Variants in DLG2 observed in about 807,000 individuals in gnomAD.
DLG2 encodes the protein discs large MAGUK scaffold protein 2, also known as disks large homolog 2.
A neutral mutation model predicts 132.5 loss-of-function variants in DLG2; 45 were observed. The observed-to-expected ratio is 0.34, with a 90% CI of 0.27 to 0.44. The LOEUF (loss-of-function observed/expected upper bound fraction) is 0.44. DLG2 is among the 20% of genes least tolerant of loss of function. DLG2 has a pLI of 1.00. For synonymous variants in DLG2, 424 were observed against 419.6 expected (o/e 1.01, Z -0.13); for missense variants, 1,045 against 1,196.9 (o/e 0.87, Z 1.87).
At chr11:85,096,148 G>A (rs1022481662) in intron 6 of DLG2, among the ~76,000 whole-genome samples, 1 of 152,194 alleles carries the variant, frequency 6.6e-6, no homozygotes, top group African/African-American at 2.4e-5. Context: ...TCAGTGCTCT[G>A]TAAAGTGGAC....
At chr11:84,830,937 G>GTC (rs927625461) in intron 6 of DLG2, among the ~76,000 whole-genome samples, 1 of 145,570 alleles carries the variant, frequency 6.9e-6, no homozygotes, top group African/African-American at 2.5e-5. Context: ...AAAGGAAGCA[G>GTC]TCTCTCTCTC....
In DLG2 at chr11:85,399,580, G is replaced by C. The variant is rs558937178; in HGVS notation, c.41-114215C>G. ...ACAGCATGGTACTGGTACTAAAACA[G>C]ACATATAGATCAATGGAATAGAACA... On this transcript the variant is annotated intron_variant, in intron 3 of 27. Coordinates refer to ENST00000376104, the MANE Select transcript of DLG2 (RefSeq NM_001142699.3). Among the ~76,000 whole-genome samples the C allele has an allele frequency of 2.0e-5, 3 of 152,068 alleles. No individual in the cohort carries two copies. In the East Asian group the frequency reaches 5.8e-4, roughly 30 times the overall value.
intron 8 of DLG2, among the ~76,000 whole-genome samples, chr11:84,215,612 G>A (rs934798249): frequency 3.9e-5 from 6 of 152,140 alleles, no homozygotes; most frequent in Non-Finnish European, 8.8e-5. Flanking sequence ...CCATCTACAT[G>A]CTCATGAAAG....
chr11:84,350,906 C>T (rs1006545948), intron 7 of DLG2, among the ~76,000 whole-genome samples: 1 of 152,162 alleles, frequency 6.6e-6, no homozygotes, highest in East Asian at 1.9e-4. Context: ...AGCAATCTAT[C>T]AGACCAAATC....
At chr11:84,034,178 C>T (rs1030364052) in intron 11 of DLG2, among the ~76,000 whole-genome samples, 3 of 152,104 alleles carry the variant, frequency 2.0e-5, no homozygotes, top group Non-Finnish European at 4.4e-5. Context: ...CAGCAGCCAC[C>T]ACCCTGATCA....
intron 5 of DLG2, among the ~76,000 whole-genome samples, chr11:85,113,651 T>G (rs1341805636): frequency 6.6e-6 from 1 of 152,032 alleles, no homozygotes; most frequent in Non-Finnish European, 1.5e-5. Flanking sequence ...GGATTTTAGT[T>G]TAGTGTTCCC....
chr11:85,493,879 G>T (rs1184149715), intron 3 of DLG2, among the ~76,000 whole-genome samples: 1 of 152,034 alleles, frequency 6.6e-6, no homozygotes, highest in Admixed American at 6.6e-5. Flanking sequence ...AAAAGAAAAA[G>T]AAATTTATTT....
At chr11:84,996,100 T>C (rs1439661632) in intron 6 of DLG2, among the ~76,000 whole-genome samples, 1 of 152,120 alleles carries the variant, frequency 6.6e-6, no homozygotes, top group Non-Finnish European at 1.5e-5. Flanking sequence ...CTTATTTATA[T>C]TATGTTGACA....
chr11:85,108,166 C>A (rs1328903924), intron 6 of DLG2, among the ~76,000 whole-genome samples: 1 of 151,828 alleles, frequency 6.6e-6, no homozygotes, highest in East Asian at 1.9e-4. Flanking sequence ...GAACTTGGGG[C>A]AAATGCAGAC....
intron 19 of DLG2, among the ~76,000 whole-genome samples, chr11:83,629,278 A>G (rs1393765787): frequency 6.6e-6 from 1 of 152,154 alleles, no homozygotes; most frequent in Non-Finnish European, 1.5e-5. Context: ...CATAATATAC[A>G]CTCAAAAAAT....
At chr11:84,953,954 A>G (rs1039234171) in intron 6 of DLG2, among the ~76,000 whole-genome samples, 14 of 152,086 alleles carry the variant, frequency 9.2e-5, no homozygotes, top group African/African-American at 3.4e-4. Context: ...GTGCCTTAGT[A>G]TATACATTGT....
intron 7 of DLG2, among the ~76,000 whole-genome samples, chr11:84,407,746 A>T (rs1361466441): frequency 6.6e-6 from 1 of 152,242 alleles, no homozygotes; most frequent in Non-Finnish European, 1.5e-5. Context: ...TAAGGCACTG[A>T]AACTCAAAAG....
chr11:83,989,398 A>C (rs2093571987), intron 11 of DLG2, among the ~76,000 whole-genome samples: 1 of 152,202 alleles, frequency 6.6e-6, no homozygotes, highest in Admixed American at 6.6e-5. Context: ...GATACTTGAT[A>C]AATAAAGTGC....
chr11:84,541,369 C>T (rs905026552), intron 6 of DLG2, among the ~76,000 whole-genome samples: 3 of 151,956 alleles, frequency 2.0e-5, no homozygotes, highest in African/African-American at 7.2e-5. Flanking sequence ...TCCCCGTCCC[C>T]GTTCTGAAGC....
intron 8 of DLG2, among the ~76,000 whole-genome samples, chr11:84,211,761 A>G (rs1462030831): frequency 6.6e-6 from 1 of 152,206 alleles, no homozygotes; most frequent in Non-Finnish European, 1.5e-5. Context: ...AACTCAGTCT[A>G]TAGGATCAGA....
chr11:83,598,238 T>C (rs2153362605), intron 19 of DLG2, among the ~76,000 whole-genome samples: 1 of 152,380 alleles, frequency 6.6e-6, no homozygotes, highest in South Asian at 2.1e-4. Context: ...GCTCCACGCA[T>C]GTTCTGTCTG....
intron 3 of DLG2, among the ~76,000 whole-genome samples, chr11:85,520,311 A>G (rs1482142952): frequency 1.3e-5 from 2 of 152,206 alleles, no homozygotes; most frequent in Non-Finnish European, 2.9e-5. Context: ...CTCTATAATG[A>G]GAACGATAAA....
chr11:85,570,067 A>C (rs1456351245), intron 3 of DLG2, among the ~76,000 whole-genome samples: 1 of 152,216 alleles, frequency 6.6e-6, no homozygotes, highest in African/African-American at 2.4e-5. Flanking sequence ...CTACCTGGGT[A>C]CAACATATTC....
intron 6 of DLG2, among the ~76,000 whole-genome samples, chr11:84,565,668 A>C (rs2099450919): frequency 6.6e-6 from 1 of 152,108 alleles, no homozygotes; most frequent in African/African-American, 2.4e-5. Context: ...CTCTACCTCA[A>C]ATTTATATTG....
Sources: allele counts gnomAD v4.1 joint callset (sites outside exome capture counted in the v4.1 genomes callset), GRCh38; gene constraint gnomAD v4.1.1; transcripts MANE v1.5; gene names NCBI Gene and HGNC (gene_info 2026-07-23, HGNC 2026-07-21).